The following MGAT5 variants were observed in gnomAD, a reference collection of about 807,000 sequenced individuals.
MGAT5 encodes the protein alpha-1,6-mannosylglycoprotein 6-beta-N-acetylglucosaminyltransferase.
A neutral mutation model predicts 94.3 loss-of-function variants in MGAT5; 30 were observed. That is an observed-to-expected ratio of 0.32 (90% CI 0.24 to 0.43). The LOEUF (loss-of-function observed/expected upper bound fraction) is 0.43. MGAT5 is among the 20% of genes least tolerant of loss of function. The pLI is 1.00. For synonymous variants in MGAT5, 310 were observed against 322.9 expected (o/e 0.96, Z 0.43); for missense variants, 691 against 905.5 (o/e 0.76, Z 3.04).
rs1176622145 is a variant in MGAT5 at position 134,384,216 on chromosome 2, A to G, written c.1381-18772A>G. 1.3e-3 allele frequency among the ~76,000 whole-genome samples: 135 copies of G among 101,292 alleles called. 3 individuals carry two copies. Among genetic ancestry groups the G allele is most frequent in the Middle Eastern group, 6.4e-3 (1 of 156 alleles). 66.5% of individuals were successfully genotyped at this position (101,292 alleles called of 152,430 possible). ...AAAATATTTATTATCCGGCCCTTGA[A>G]AAAAAAAAAAAAAGTCATCATCCTC... On this transcript the variant is annotated intron_variant, in intron 10 of 15. Coordinates refer to ENST00000281923, the MANE Select transcript of MGAT5 (RefSeq NM_002410.5).
intron 11 of MGAT5, among the ~76,000 whole-genome samples, chr2:134,411,940 G>A (rs931659036): frequency 2.0e-5 from 3 of 152,198 alleles, no homozygotes; most frequent in African/African-American, 7.2e-5. Context: ...AGGCTTTTAT[G>A]TGGGTAGAGA....
chr2:134,432,715 C>G (rs1386556907), intron 14 of MGAT5, among the ~76,000 whole-genome samples: 1 of 152,184 alleles, frequency 6.6e-6, no homozygotes, highest in African/African-American at 2.4e-5. Flanking sequence ...GTGTTTCTGA[C>G]CTTGGGCAAG....
At chr2:134,121,186 C>G (rs1685564150) in intron 1 of MGAT5, among the ~76,000 whole-genome samples, 1 of 152,208 alleles carries the variant, frequency 6.6e-6, no homozygotes, top group Non-Finnish European at 1.5e-5. Context: ...GCGCACTGCT[C>G]TCCCCGGCTG....
Position 134,441,913 on chromosome 2 carries a change from G to A in MGAT5, c.2025G>A (p.Leu675=). The change falls in exon 15 of 16, where the codon CTG becomes CTA. Residue 675 remains leucine (L), a splice_region_variant and synonymous_variant. Coordinates refer to ENST00000281923, the MANE Select transcript of MGAT5 (RefSeq NM_002410.5). ...ACCTCAACAAGGACAAGGACATGCTGAAGTAAGTGCCCTGGGGTGGGGGTG... is the reference window on the plus strand; with the variant it reads ...ACCTCAACAAGGACAAGGACATGCTAAAGTAAGTGCCCTGGGGTGGGGGTG... ...FQHLNKDKDM[L]KYKVTCQSSE... is the part of the protein sequence containing the mutation. 1.2e-6 allele frequency: 2 copies of A among 1,601,554 alleles called. No individual in the cohort carries two copies. Among genetic ancestry groups the A allele is most frequent in the Non-Finnish European group, 1.7e-6 (2 of 1,169,226 alleles).
chr2:134,174,299 C>T (rs1056500320), intron 1 of MGAT5, among the ~76,000 whole-genome samples: 1 of 152,242 alleles, frequency 6.6e-6, no homozygotes, highest in Non-Finnish European at 1.5e-5. Context: ...ATGAAAGCCA[C>T]CTCAGTGGAT....
intron 13 of MGAT5, 132 bp from the exon 14 acceptor site, chr2:134,428,233 C>T: frequency 1.4e-6 from 1 of 699,860 alleles, no homozygotes. Context: ...TCACGACTTG[C>T]AAGTCCATAG....
intron 4 of MGAT5, among the ~76,000 whole-genome samples, chr2:134,322,674 G>A (rs759606130): frequency 6.6e-6 from 1 of 152,108 alleles, no homozygotes; most frequent in Non-Finnish European, 1.5e-5. Context: ...AATATCTGTG[G>A]CTTTGTAGGA....
chr2:134,316,387 A>C (rs763631055), intron 2 of MGAT5, among the ~76,000 whole-genome samples: 1 of 151,928 alleles, frequency 6.6e-6, no homozygotes, highest in Non-Finnish European at 1.5e-5. Flanking sequence ...GCTCACTCCT[A>C]CTTTGTCTTC....
intron 10 of MGAT5, among the ~76,000 whole-genome samples, chr2:134,383,319 G>T (rs1681748269): frequency 6.6e-6 from 1 of 152,194 alleles, no homozygotes; most frequent in Non-Finnish European, 1.5e-5. Flanking sequence ...TCAGACTGCT[G>T]TGATTAGCCA....
At chr2:134,192,114 G>A (rs1233890979) in intron 1 of MGAT5, among the ~76,000 whole-genome samples, 2 of 142,914 alleles carry the variant, frequency 1.4e-5, no homozygotes, top group East Asian at 4.4e-4. Flanking sequence ...CTCCTCGCGC[G>A]AGCGGGTTCC....
At position 134,151,869 on chromosome 2, in the gene MGAT5, C is replaced by G. The variant is rs540832396; in HGVS notation, c.-143+31578C>G. Among the ~76,000 whole-genome samples the G allele has an allele frequency of 1.1e-3, 156 of 142,634 alleles. 4 individuals are homozygous for G. Among genetic ancestry groups the G allele is most frequent in the African/African-American group, 4.1e-3 (151 of 37,116 alleles). 93.6% of individuals were successfully genotyped at this position (142,634 alleles called of 152,430 possible). A position where few individuals can be genotyped will look rare whatever the true frequency, so the allele number is the denominator to read the frequency against. On this transcript the variant is annotated intron_variant, in intron 1 of 16. Transcript: ENST00000409645. The stretch of plus-strand genomic sequence containing the variant: ...TGGGACCCGCTTACCGCCATGGGAC[C>G]TCACTCACGCCCTGTGGGACCCGCC...
chr2:134,318,382 T>A (rs1156260739), intron 3 of MGAT5, among the ~76,000 whole-genome samples: 1 of 152,142 alleles, frequency 6.6e-6, no homozygotes, highest in Non-Finnish European at 1.5e-5. Flanking sequence ...TCTCCTGGGC[T>A]TTATTGCCTG....
At chr2:134,295,201 G>A (rs1461125351) in intron 2 of MGAT5, among the ~76,000 whole-genome samples, 1 of 135,814 alleles carries the variant, frequency 7.4e-6, no homozygotes, top group Non-Finnish European at 1.6e-5. Context: ...GCTCTTCAGT[G>A]GTTCGAAGAT....
intron 4 of MGAT5, among the ~76,000 whole-genome samples, chr2:134,333,218 A>G (rs1425179901): frequency 6.6e-6 from 1 of 152,038 alleles, no homozygotes; most frequent in Non-Finnish European, 1.5e-5. Context: ...GACTAAGAAA[A>G]TGTGGCACAT....
upstream of MGAT5, among the ~76,000 whole-genome samples, chr2:134,250,936 T>C (rs1461689436): frequency 6.6e-6 from 1 of 152,172 alleles, no homozygotes; most frequent in Non-Finnish European, 1.5e-5. Context: ...CTAAGGAAGC[T>C]ATTGTTCAGT....
chr2:134,405,711 G>C (rs563667238), intron 11 of MGAT5, among the ~76,000 whole-genome samples: 1 of 152,352 alleles, frequency 6.6e-6, no homozygotes, highest in South Asian at 2.1e-4. Context: ...CTCCTCAAGA[G>C]AGTTAGAGAC....
intron 1 of MGAT5, chr2:134,127,247 T>A (rs558853431): frequency 6.5e-6 from 1 of 154,864 alleles, no homozygotes; most frequent in East Asian, 1.9e-4. Context: ...AGCCCCTCTG[T>A]TCATCTTGAT....
chr2:134,387,341 T>A (rs1682095240), intron 10 of MGAT5, among the ~76,000 whole-genome samples: 1 of 124,164 alleles, frequency 8.1e-6, no homozygotes, highest in African/African-American at 3.2e-5. Context: ...TATTTTTTTT[T>A]TTTTTTTTTT....
chr2:134,291,335 G>A (rs1489276919), intron 2 of MGAT5, among the ~76,000 whole-genome samples: 1 of 152,154 alleles, frequency 6.6e-6, no homozygotes, highest in African/African-American at 2.4e-5. Context: ...TCTTGTCTGT[G>A]AGGATACAAG....
Sources: gnomAD v4.1 joint callset for allele counts (sites outside exome capture counted in the v4.1 genomes callset) on GRCh38, gnomAD v4.1.1 for gene constraint, MANE v1.5 for transcripts, NCBI Gene and HGNC (gene_info 2026-07-23, HGNC 2026-07-21) for gene names.